The following FAM169A variants were observed in gnomAD, a reference collection of about 807,000 sequenced individuals.
The protein encoded by FAM169A is soluble lamin-associated protein of 75 kDa.
In FAM169A, 24 loss-of-function variants were observed where a neutral mutation model predicts 75.7. The ratio of observed to expected loss-of-function variants is 0.32; its 90% CI spans 0.23 to 0.45. FAM169A has a LOEUF of 0.45. Among genes scored for constraint, FAM169A ranks in the 20% least tolerant of loss-of-function variants. FAM169A has a pLI of 1.00. For missense variants in FAM169A, 673 were observed against 784.0 expected (o/e 0.86, Z 1.69); for synonymous variants, 271 against 271.0 (o/e 1.00, Z 0.00).
Position 74,781,578 on chromosome 5 carries a change from G to T in FAM169A, c.1895C>A (p.Ala632Asp). ...LDQFTQSAEK[A>D]VDSSSEEIEV... ...TATTTCCTCTGAGCTGCTATCCACAGCTTTTTCTGCCGATTGTGTAAACTG... is the reference window on the plus strand; with the variant it reads ...TATTTCCTCTGAGCTGCTATCCACATCTTTTTCTGCCGATTGTGTAAACTG... The change falls in exon 13 of 13, where the codon GCT (alanine) becomes GAT (aspartate). Residue 632 changes from alanine (A) to aspartate (D), a missense_variant. Transcript: ENST00000687041. The T allele has an allele frequency of 1.9e-6, 3 of 1,614,138 alleles. No homozygotes were observed. Among genetic ancestry groups the T allele is most frequent in the Non-Finnish European group, 2.5e-6 (3 of 1,180,028 alleles).
chr5:74,835,601 CAAAAAAAAAAAA>C (rs35800429), intron 4 of FAM169A, among the ~76,000 whole-genome samples: 2 of 59,176 alleles, frequency 3.4e-5, no homozygotes, highest in South Asian at 1.4e-3. Context: ...GACTGTGTCT[CAAAAAAAAAAAA>C]AAAAAAAAAA....
At chr5:74,809,026 C>A (rs1747030877) in intron 6 of FAM169A, among the ~76,000 whole-genome samples, 2 of 151,922 alleles carry the variant, frequency 1.3e-5, no homozygotes, top group Non-Finnish European at 2.9e-5. Context: ...CTGGAGAAAA[C>A]CAACACAACA....
chr5:74,778,426 C>A lies in FAM169A; in HGVS notation c.*3034G>T, dbSNP rs1745230539. The A allele has an allele frequency of 6.6e-6, 1 of 152,024 alleles. No individual in the cohort carries two copies. Among genetic ancestry groups the A allele is most frequent in the Admixed American group, 6.5e-5 (1 of 15,270 alleles). 9.4% of individuals were successfully genotyped at this position (152,024 alleles called of 1,614,324 possible). ...TCAATTTGATGCAATCATAAACCTT[C>A]AAGATTTCTAGTCACTGAAACCCCA... is the stretch of plus-strand genomic sequence containing the variant. On this transcript the variant is annotated 3_prime_UTR_variant, in exon 13 of 13. Transcript: ENST00000687041.
rs1342755715 is a variant in FAM169A at position 74,779,579 on chromosome 5, A to G, written c.*1881T>C. 1 of 152,164 alleles carries G rather than the reference A, an allele frequency of 6.6e-6. No homozygotes were observed. Among genetic ancestry groups the G allele is most frequent in the Admixed American group, 6.5e-5 (1 of 15,278 alleles). 9.4% of individuals were successfully genotyped at this position (152,164 alleles called of 1,614,324 possible). On this transcript the variant is annotated 3_prime_UTR_variant, in exon 13 of 13. Transcript: ENST00000687041. ...ACAGAAGTTTCTCATAAAATGTATA[A>G]AACAGCATAAATGTTTGGTAGATTC...
intron 11 of FAM169A, among the ~76,000 whole-genome samples, chr5:74,787,492 T>C (rs1386936827): frequency 1.3e-5 from 2 of 152,204 alleles, no homozygotes; most frequent in Non-Finnish European, 2.9e-5. Context: ...AGATATACCC[T>C]TGACCGATGC....
chr5:74,786,991 T>C (rs1011920634), intron 11 of FAM169A, among the ~76,000 whole-genome samples: 5 of 152,130 alleles, frequency 3.3e-5, no homozygotes, highest in African/African-American at 1.2e-4. Context: ...AGTGGTAACA[T>C]CACCTCAGGA....
intron 2 of FAM169A, among the ~76,000 whole-genome samples, chr5:74,841,020 C>T (rs549007471): frequency 1.3e-5 from 2 of 152,162 alleles, no homozygotes; most frequent in South Asian, 4.2e-4. Flanking sequence ...CTTTAAGTCA[C>T]CTCCAGAAGA....
intron 4 of FAM169A, among the ~76,000 whole-genome samples, chr5:74,838,032 G>A (rs774834354): frequency 2.7e-5 from 4 of 148,260 alleles, no homozygotes; most frequent in Admixed American, 6.9e-5. Flanking sequence ...CAGGAGAATC[G>A]CTTGAACCCA....
intron 6 of FAM169A, among the ~76,000 whole-genome samples, chr5:74,811,146 G>A (rs1416971741): frequency 6.6e-6 from 1 of 151,940 alleles, no homozygotes; most frequent in Non-Finnish European, 1.5e-5. Context: ...ACCATGCCCA[G>A]CTAATTTTCA....
chr5:74,841,171 G>A (rs1442640551), intron 2 of FAM169A, among the ~76,000 whole-genome samples: 1 of 152,128 alleles, frequency 6.6e-6, no homozygotes, highest in African/African-American at 2.4e-5. Context: ...TTAGAAAAAG[G>A]AAGAAAAGAT....
intron 5 of FAM169A, among the ~76,000 whole-genome samples, chr5:74,827,657 G>C (rs1002030186): frequency 1.3e-5 from 2 of 150,890 alleles, no homozygotes; most frequent in African/African-American, 4.9e-5. Context: ...TAATGAAATA[G>C]ATGGAGCTTA....
At chr5:74,803,664 T>C (rs1178523178) in intron 8 of FAM169A, among the ~76,000 whole-genome samples, 1 of 152,136 alleles carries the variant, frequency 6.6e-6, no homozygotes, top group Non-Finnish European at 1.5e-5. Context: ...CAATGGGCCA[T>C]ATTTTAAGCA....
At chr5:74,840,525 T>C (rs1319808408) in intron 2 of FAM169A, among the ~76,000 whole-genome samples, 1 of 146,318 alleles carries the variant, frequency 6.8e-6, no homozygotes, top group Non-Finnish European at 1.5e-5. Context: ...CATTATCTAG[T>C]TAAAAAAAAA....
Position 74,781,927 on chromosome 5 carries a change from G to A in FAM169A, c.1546C>T (p.Leu516=). 3 of 1,613,972 alleles carry A rather than the reference G, an allele frequency of 1.9e-6. No individual in the cohort carries two copies. Among genetic ancestry groups the A allele is most frequent in the Non-Finnish European group, 2.5e-6 (3 of 1,179,900 alleles). Residue 516 remains leucine (L), a synonymous_variant, in exon 13 of 13, where the codon CTA becomes TTA. Coordinates refer to ENST00000687041, the MANE Select transcript of FAM169A (RefSeq NM_001376049.1). The part of the protein sequence containing the change: ...EKGHMEEKLS[L]LPRKKAHLGS... ...AGATGTGCTTTCTTTCTTGGAAGTA[G>A]GGACAATTTCTCTTCCATGTGCCCC... is the stretch of plus-strand genomic sequence containing the variant.
rs1462256362 is a variant in FAM169A at position 74,817,373 on chromosome 5, A to C, written c.491-3354T>G. Among the ~76,000 whole-genome samples the C allele has an allele frequency of 8.5e-5, 13 of 152,292 alleles. No individual in the cohort carries two copies. In the South Asian group the frequency reaches 2.7e-3, roughly 32 times the overall value. ...AGGTTGCAGGATACAAGATCAATAT[A>C]TAAAAATCATTTGTATTTCCACACA... On this transcript the variant is annotated intron_variant, in intron 5 of 12. Coordinates refer to ENST00000687041, the MANE Select transcript of FAM169A (RefSeq NM_001376049.1).
chr5:74,797,918 CAAT>C (rs1385111105), intron 10 of FAM169A, among the ~76,000 whole-genome samples: 1 of 152,006 alleles, frequency 6.6e-6, no homozygotes, highest in African/African-American at 2.4e-5. Context: ...GCTTAATAAA[CAAT>C]AAAAATATAT....
chr5:74,798,666 A>AG (rs1746404107), intron 10 of FAM169A, among the ~76,000 whole-genome samples: 1 of 152,228 alleles, frequency 6.6e-6, no homozygotes. Context: ...AACAGTTGGC[A>AG]GAACTGTTAG....
intron 3 of FAM169A, among the ~76,000 whole-genome samples, chr5:74,839,445 G>A (rs1159822052): frequency 6.6e-6 from 1 of 151,824 alleles, no homozygotes; most frequent in Non-Finnish European, 1.5e-5. Context: ...TGTAAGACGT[G>A]CCTGCTTCCC....
At chr5:74,862,113 C>T (rs1750066626) in intron 1 of FAM169A, among the ~76,000 whole-genome samples, 1 of 152,234 alleles carries the variant, frequency 6.6e-6, no homozygotes, top group Non-Finnish European at 1.5e-5. Flanking sequence ...CACAGCTTTG[C>T]TTCAAGGCTT....
Sources: gnomAD v4.1 joint callset for allele counts (sites outside exome capture counted in the v4.1 genomes callset) on GRCh38, gnomAD v4.1.1 for gene constraint, MANE v1.5 for transcripts, NCBI Gene and HGNC (gene_info 2026-07-23, HGNC 2026-07-21) for gene names.